The following RIF1 variants were observed in gnomAD, a reference collection of about 807,000 sequenced individuals.
The protein encoded by RIF1 is replication timing regulatory factor 1, also known as telomere-associated protein RIF1.
A neutral mutation model predicts 247.1 loss-of-function variants in RIF1; 45 were observed. The observed-to-expected ratio is 0.18, with a 90% CI of 0.14 to 0.23. RIF1 has a LOEUF of 0.23. Ranked by LOEUF, RIF1 falls within the 10% of genes least tolerant of loss-of-function variation. The pLI is 1.00. For missense variants in RIF1, 2,967 were observed against 2,862.5 expected (o/e 1.04, Z -0.83); for synonymous variants, 1,087 against 978.8 (o/e 1.11, Z -2.06).
chr2:151,487,225 GAGT>G (rs1166183761), intron 9 of RIF1, among the ~76,000 whole-genome samples: 19 of 152,148 alleles, frequency 1.2e-4, no homozygotes, highest in Non-Finnish European at 5.9e-5. Context: ...GGGAGCATAC[GAGT>G]AGTAAAAGTT....
Position 151,463,541 on chromosome 2 carries a change from A to G in RIF1, c.4021A>G (p.Asn1341Asp), listed in dbSNP as rs1252609215. 1 of 1,614,052 alleles carries G rather than the reference A, an allele frequency of 6.2e-7. No homozygotes were observed. Among genetic ancestry groups the G allele is most frequent in the Non-Finnish European group, 8.5e-7 (1 of 1,179,996 alleles). The stretch of plus-strand genomic sequence containing the variant: ...TAATCAAACAGAATGTGTGTCAGAT[A>G]ATCAGGTTCATCTTTCTGAATCTAC... ...LLNQTECVSD[N>D]QVHLSESTME... Residue 1341 changes from asparagine (N) to aspartate (D), a missense_variant, in exon 30 of 36, where the codon AAT (asparagine) becomes GAT (aspartate). Around this residue, in one of 7 missense-constraint regions of RIF1, gnomAD observed 2,028 missense variants for 1,825.6 expected, o/e 1.11. Transcript: ENST00000444746.
chr2:151,520,151 G>A, the RIF1 span, among the ~76,000 whole-genome samples: 1 of 152,056 alleles, frequency 6.6e-6, no homozygotes, highest in Non-Finnish European at 1.5e-5. Flanking sequence ...AGCAATTTAA[G>A]TCTGTGAAAT....
intron 12 of RIF1, chr2:151,503,209 A>G (rs895174478): frequency 7.8e-6 from 5 of 643,674 alleles, no homozygotes; most frequent in African/African-American, 1.9e-5. Flanking sequence ...TATTAACATA[A>G]TTTTGGTCAG....
chr2:151,424,732 C>G (rs1372864135), intron 8 of RIF1, among the ~76,000 whole-genome samples: 2 of 150,120 alleles, frequency 1.3e-5, no homozygotes, highest in Non-Finnish European at 3.0e-5. Context: ...TGCAGTGGCA[C>G]AACCTCGCTC....
chr2:151,421,138 A>C (rs560459944), intron 7 of RIF1, among the ~76,000 whole-genome samples: 1 of 152,344 alleles, frequency 6.6e-6, no homozygotes. Flanking sequence ...TGTGCAGTGC[A>C]TTGTTGCAGG....
the RIF1 span, chr2:151,524,543 G>A: frequency 6.2e-7 from 1 of 1,613,748 alleles, no homozygotes; most frequent in Non-Finnish European, 8.5e-7. Context: ...TGCCTGTGTG[G>A]CCTTCTTGAT....
At chr2:151,469,337 A>G (rs1443237311) in intron 33 of RIF1, among the ~76,000 whole-genome samples, 1 of 152,282 alleles carries the variant, frequency 6.6e-6, no homozygotes, top group Non-Finnish European at 1.5e-5. Context: ...ATAATCCCCA[A>G]TAGGAGATGA....
chr2:151,500,032 AAGAAAATAATT>A (rs1207313106), intron 11 of RIF1, among the ~76,000 whole-genome samples: 2 of 152,246 alleles, frequency 1.3e-5, no homozygotes, highest in African/African-American at 4.8e-5. Flanking sequence ...TGTAGTATAC[AAGAAAATAATT>A]AGAAAATAAT....
At chr2:151,412,110 C>G (rs1244274204) in intron 3 of RIF1, among the ~76,000 whole-genome samples, 1 of 152,150 alleles carries the variant, frequency 6.6e-6, no homozygotes, top group African/African-American at 2.4e-5. Context: ...CAACCGTTAT[C>G]ATTTTTGCTT....
rs770521118 is a variant in RIF1 at position 151,416,698 on chromosome 2, G to C, written c.408+10G>C. ...AGTGGTTGGCAAAATGGTGAGTATA[G>C]TTTTTGGGTATGCCATCTTAACTAT... On this transcript the variant is annotated intron_variant, in intron 5 of 35. Transcript: ENST00000444746. The C allele has an allele frequency of 4.3e-6, 7 of 1,611,822 alleles. No individual in the cohort carries two copies. The South Asian group carries it at 6.6e-5, about 15-fold the overall frequency.
At chr2:151,415,555 C>A (rs1687051339) in intron 4 of RIF1, among the ~76,000 whole-genome samples, 1 of 87,392 alleles carries the variant, frequency 1.1e-5, no homozygotes, top group Admixed American at 1.7e-4. Context: ...CAGACTGGGA[C>A]TCTGTCTCAA....
rs1391807812 is a variant in RIF1 at position 151,476,481 on chromosome 2, C to A, written c.*1410C>A. On this transcript the variant is annotated 3_prime_UTR_variant, in exon 36 of 36. Transcript: ENST00000444746. ...TTTCACATTTTATTCAGAAGCTAAT[C>A]CCTACTTAGCAAGGCACACATTCTA... 2 of 152,140 alleles carry A rather than the reference C, an allele frequency of 1.3e-5. No homozygotes were observed. The highest frequency in any genetic ancestry group is 4.8e-5 in the African/African-American group (2 of 41,434). 9.4% of individuals were successfully genotyped at this position (152,140 alleles called of 1,614,324 possible).
At chr2:151,520,788 C>T in the RIF1 span, among the ~76,000 whole-genome samples, 18 of 152,226 alleles carry the variant, frequency 1.2e-4, no homozygotes, top group South Asian at 4.1e-4. Flanking sequence ...CACTTGAGCC[C>T]GGGAGGTGGA....
chr2:151,456,147 A>G (rs751565547), intron 22 of RIF1, among the ~76,000 whole-genome samples: 1 of 152,214 alleles, frequency 6.6e-6, no homozygotes, highest in Non-Finnish European at 1.5e-5. Context: ...ATTCATGAAT[A>G]TTCTTTATAG....
the RIF1 span, among the ~76,000 whole-genome samples, chr2:151,513,256 TC>T: frequency 6.6e-6 from 1 of 152,182 alleles, no homozygotes; most frequent in African/African-American, 2.4e-5. Flanking sequence ...AGCAAGGAAT[TC>T]CTGGCATCAA....
chr2:151,520,224 A>G, the RIF1 span, among the ~76,000 whole-genome samples: 1 of 152,174 alleles, frequency 6.6e-6, no homozygotes, highest in African/African-American at 2.4e-5. Flanking sequence ...AATTAGGAGA[A>G]TTTATTGTTA....
chr2:151,442,938 GT>G (rs1037772687), intron 16 of RIF1, among the ~76,000 whole-genome samples: 2 of 151,338 alleles, frequency 1.3e-5, no homozygotes, highest in Non-Finnish European at 3.0e-5. Flanking sequence ...TGCCCGGCTA[GT>G]TTTTTTGTAT....
rs759996496 is a variant in RIF1, at chr2:151,465,022, T to C, written c.5502T>C (p.Phe1834=). ...CTCTTCCTTCTGGAATAGTAAACTT[T>C]AGAGAGGAAATTTGTGATATGGATT... ...QESLPSGIVN[F]REEICDMDSS... Residue 1834 remains phenylalanine (F), a synonymous_variant, in exon 30 of 36, where the codon TTT becomes TTC. Transcript: ENST00000444746. 1.5e-5 allele frequency: 24 copies of C among 1,579,288 alleles called. No individual in the cohort carries two copies. Among genetic ancestry groups the C allele is most frequent in the Non-Finnish European group, 2.0e-5 (23 of 1,170,624 alleles).
intron 8 of RIF1, among the ~76,000 whole-genome samples, chr2:151,425,374 G>A (rs538897090): frequency 1.3e-5 from 2 of 152,130 alleles, no homozygotes; most frequent in African/African-American, 2.4e-5. Context: ...CCATTGCAGA[G>A]TTTTTAATTT....
Sources: gnomAD v4.1 joint callset for allele counts (sites outside exome capture counted in the v4.1 genomes callset) on GRCh38, gnomAD v4.1.1 for gene constraint, gnomAD v4.1.1 regional missense constraint, MANE v1.5 for transcripts, NCBI Gene and HGNC (gene_info 2026-07-23, HGNC 2026-07-21) for gene names.